The following ZFPM2 variants were observed in gnomAD, a reference collection of about 807,000 sequenced individuals.
The protein encoded by ZFPM2 is zinc finger protein, FOG family member 2.
A neutral mutation model predicts 98.6 loss-of-function variants in ZFPM2; 20 were observed. The observed-to-expected ratio is 0.20, with a 90% CI of 0.14 to 0.29. The LOEUF is 0.29. Among genes scored for constraint, ZFPM2 ranks in the 10% least tolerant of loss-of-function variants. The pLI is 1.00. For synonymous variants in ZFPM2, 518 were observed against 502.7 expected (o/e 1.03, Z -0.41); for missense variants, 1,310 against 1,388.6 (o/e 0.94, Z 0.90).
At chr8:105,795,077 C>A (rs867738287) in intron 6 of ZFPM2, among the ~76,000 whole-genome samples, 2 of 152,174 alleles carry the variant, frequency 1.3e-5, no homozygotes, top group African/African-American at 4.8e-5. Flanking sequence ...ATGCACGGTG[C>A]GCTGCACCCA....
rs140334411 is a variant in ZFPM2 at position 105,517,563 on chromosome 8, C to T, written c.302-43800C>T. On this transcript the variant is annotated intron_variant, in intron 3 of 7. Transcript: ENST00000407775. ...TTGTGGTGAGAATACTTAAGATCTACTCTTGGCTGGATGCAATGGTTCACG... is the reference window on the plus strand; with the variant it reads ...TTGTGGTGAGAATACTTAAGATCTATTCTTGGCTGGATGCAATGGTTCACG... Among the ~76,000 whole-genome samples, 5 of 152,024 alleles carry T rather than the reference C, an allele frequency of 3.3e-5. No homozygotes were observed. In the East Asian group the frequency reaches 7.7e-4, roughly 24 times the overall value.
At chr8:105,710,182 G>C (rs1031230263) in intron 5 of ZFPM2, among the ~76,000 whole-genome samples, 4 of 151,180 alleles carry the variant, frequency 2.6e-5, no homozygotes, top group African/African-American at 9.7e-5. Flanking sequence ...ATAAAGTTAT[G>C]CTGCAGTTAT....
chr8:105,654,112 C>A (rs1386417197), intron 5 of ZFPM2, among the ~76,000 whole-genome samples: 3 of 151,272 alleles, frequency 2.0e-5, no homozygotes, highest in Non-Finnish European at 4.4e-5. Flanking sequence ...AAACAAAATG[C>A]TAAATAAGTA....
intron 4 of ZFPM2, among the ~76,000 whole-genome samples, chr8:105,575,203 A>C (rs1435543749): frequency 3.9e-5 from 6 of 152,168 alleles, no homozygotes; most frequent in Non-Finnish European, 7.3e-5. Flanking sequence ...CGGCTCCATT[A>C]CTTCATTAAT....
chr8:105,437,378 G>A (rs1409241432), intron 2 of ZFPM2, among the ~76,000 whole-genome samples: 1 of 152,156 alleles, frequency 6.6e-6, no homozygotes, highest in Non-Finnish European at 1.5e-5. Context: ...TGAAATCTAA[G>A]TTCTACAGTT....
chr8:105,610,120 G>A (rs1260215196), intron 4 of ZFPM2, among the ~76,000 whole-genome samples: 3 of 152,064 alleles, frequency 2.0e-5, no homozygotes, highest in Non-Finnish European at 1.5e-5. Flanking sequence ...ATGGTATATG[G>A]GTAGTTCTGG....
chr8:105,561,629 A>G, intron 4 of ZFPM2, 148 bp downstream of exon 4: 1 of 658,850 alleles, frequency 1.5e-6, no homozygotes, highest in Non-Finnish European at 2.6e-6. Flanking sequence ...AAACTTGGAT[A>G]CTTTTCAAGT....
At chr8:105,726,592 C>T (rs911082247) in intron 5 of ZFPM2, among the ~76,000 whole-genome samples, 2 of 151,740 alleles carry the variant, frequency 1.3e-5, no homozygotes, top group African/African-American at 4.8e-5. Context: ...TGTGCAAGTA[C>T]TGGTCAAGGC....
chr8:105,574,426 T>C (rs1815422038), intron 4 of ZFPM2, among the ~76,000 whole-genome samples: 1 of 152,208 alleles, frequency 6.6e-6, no homozygotes, highest in African/African-American at 2.4e-5. Flanking sequence ...AGAAAGCATT[T>C]CTCAGGTGTG....
chr8:105,764,026 A>T (rs1812798262), intron 5 of ZFPM2, among the ~76,000 whole-genome samples: 2 of 151,822 alleles, frequency 1.3e-5, no homozygotes, highest in Admixed American at 6.6e-5. Context: ...AAATGGGAGC[A>T]TACTACAACT....
rs1033250847 is a variant in ZFPM2, at chr8:105,326,342, G to A, written c.40+7361G>A. On this transcript the variant is annotated intron_variant, in intron 1 of 7. Transcript: ENST00000407775. ...TTGGAAATTAGTCTTTTAAAAAAAA[G>A]TTATGCCGGAGAGTAAAAGCTAGAT... is the stretch of plus-strand genomic sequence containing the variant. 3.3e-5 allele frequency among the ~76,000 whole-genome samples: 5 copies of A among 151,726 alleles called. No individual in the cohort carries two copies. In the East Asian group the frequency reaches 7.7e-4, roughly 23 times the overall value.
At chr8:105,595,777 CCTT>C in intron 4 of ZFPM2, among the ~76,000 whole-genome samples, 1 of 151,944 alleles carries the variant, frequency 6.6e-6, no homozygotes, top group Non-Finnish European at 1.5e-5. Context: ...TTTTTTATCT[CCTT>C]CATGGCTAAA....
chr8:105,403,267 G>C (rs1422376507), intron 1 of ZFPM2, among the ~76,000 whole-genome samples: 2 of 151,918 alleles, frequency 1.3e-5, no homozygotes, highest in Admixed American at 1.3e-4. Context: ...CAGAAATGTA[G>C]GATTATATAT....
chr8:105,663,955 G>A (rs1446557228), intron 5 of ZFPM2, among the ~76,000 whole-genome samples: 3 of 152,164 alleles, frequency 2.0e-5, no homozygotes, highest in Non-Finnish European at 2.9e-5. Flanking sequence ...TTTCCGATAC[G>A]TGTCCCCTTG....
chr8:105,738,208 TC>T (rs1243179456), intron 5 of ZFPM2, among the ~76,000 whole-genome samples: 1 of 152,148 alleles, frequency 6.6e-6, no homozygotes, highest in Non-Finnish European at 1.5e-5. Context: ...TGTGTGTTGT[TC>T]CCCACTATGC....
intron 5 of ZFPM2, among the ~76,000 whole-genome samples, chr8:105,723,821 A>G (rs1811734038): frequency 6.6e-6 from 1 of 151,718 alleles, no homozygotes; most frequent in Admixed American, 6.6e-5. Flanking sequence ...TTACTAATAA[A>G]TGTCCTTTGT....
At chr8:105,359,149 G>T (rs768230592) in intron 1 of ZFPM2, among the ~76,000 whole-genome samples, 2 of 152,012 alleles carry the variant, frequency 1.3e-5, no homozygotes, top group Non-Finnish European at 2.9e-5. Flanking sequence ...GTGACAGTGA[G>T]TGAACCTGAT....
chr8:105,400,065 G>T lies in ZFPM2; in HGVS notation c.41-19079G>T, dbSNP rs182864983. ...TTACAGGTGTGAGCCACTGCCCCTG[G>T]CCTTTGTGATGCATTTTTATTTTGC... On this transcript the variant is annotated intron_variant, in intron 1 of 7. Coordinates refer to ENST00000407775, the MANE Select transcript of ZFPM2 (RefSeq NM_012082.4). Among the ~76,000 whole-genome samples, 715 of 152,072 alleles carry T rather than the reference G, an allele frequency of 4.7e-3. 2 individuals carry two copies. The highest frequency in any genetic ancestry group is 7.8e-3 in the Non-Finnish European group (529 of 67,978).
At chr8:105,523,439 T>C (rs1165766730) in intron 3 of ZFPM2, among the ~76,000 whole-genome samples, 1 of 152,196 alleles carries the variant, frequency 6.6e-6, no homozygotes, top group African/African-American at 2.4e-5. Flanking sequence ...GCCACACTGC[T>C]CGCCCTGCTC....
Sources: gnomAD v4.1 joint callset for allele counts (sites outside exome capture counted in the v4.1 genomes callset) on GRCh38, gnomAD v4.1.1 for gene constraint, MANE v1.5 for transcripts, NCBI Gene and HGNC (gene_info 2026-07-23, HGNC 2026-07-21) for gene names.